Variants in DNAJC3 observed in about 807,000 individuals in gnomAD.
DNAJC3 encodes the protein DnaJ heat shock protein family (Hsp40) member C3, also known as dnaJ homolog subfamily C member 3.
In DNAJC3, 38 loss-of-function variants were observed where a neutral mutation model predicts 68.6. That is an observed-to-expected ratio of 0.55 (90% CI 0.43 to 0.73). The LOEUF is 0.73. DNAJC3 is among the 30% of genes least tolerant of loss of function. The pLI, the probability that DNAJC3 is intolerant of heterozygous loss-of-function variation, is 0.00. For synonymous variants in DNAJC3, 203 were observed against 204.0 expected (o/e 1.00, Z 0.04); for missense variants, 526 against 591.9 (o/e 0.89, Z 1.16).
intron 4 of DNAJC3, among the ~76,000 whole-genome samples, chr13:95,757,059 A>C (rs1283116708): frequency 4.6e-5 from 7 of 152,218 alleles, no homozygotes; most frequent in Non-Finnish European, 8.8e-5. Context: ...AAAAAGAGGC[A>C]GTGTGCAGAT....
At chr13:95,755,766 A>G (rs1449063001) in intron 4 of DNAJC3, among the ~76,000 whole-genome samples, 2 of 149,216 alleles carry the variant, frequency 1.3e-5, no homozygotes, top group South Asian at 2.2e-4. Context: ...CAAAAAAAAA[A>G]AAAAAAAAAA....
chr13:95,717,926 C>T (rs1881204143), intron 2 of DNAJC3, among the ~76,000 whole-genome samples: 1 of 152,188 alleles, frequency 6.6e-6, no homozygotes. Context: ...ATGCCTCTCA[C>T]TACCACCATT....
chr13:95,750,921 T>C (rs1445831368), intron 4 of DNAJC3, among the ~76,000 whole-genome samples: 3 of 152,192 alleles, frequency 2.0e-5, no homozygotes, highest in Non-Finnish European at 4.4e-5. Flanking sequence ...TGGGAAGTTA[T>C]CTGTAGTAAG....
At chr13:95,740,500 A>C (rs1489824150) in intron 4 of DNAJC3, among the ~76,000 whole-genome samples, 1 of 152,176 alleles carries the variant, frequency 6.6e-6, no homozygotes, top group Non-Finnish European at 1.5e-5. Flanking sequence ...CAGGTGCCGG[A>C]TATAATCTCG....
chr13:95,683,865 A>T lies in DNAJC3; in HGVS notation c.82+6528A>T, dbSNP rs188356787. 5.4e-5 allele frequency among the ~76,000 whole-genome samples: 8 copies of T among 148,674 alleles called. No homozygotes were observed. The East Asian group carries it at 1.6e-3, about 30-fold the overall frequency. ...AGAGAATTGCTTAAACCTGGGAGGC[A>T]GAGGATGAAGTGAGCCGAGATTGCA... On this transcript the variant is annotated intron_variant, in intron 1 of 11. Coordinates refer to ENST00000602402, the MANE Select transcript of DNAJC3 (RefSeq NM_006260.5).
intron 9 of DNAJC3, among the ~76,000 whole-genome samples, chr13:95,771,241 C>T (rs770629484): frequency 3.0e-4 from 46 of 152,132 alleles, no homozygotes; most frequent in Admixed American, 8.5e-4. Flanking sequence ...GTAAAATGCA[C>T]AAGTCTTAGG....
At chr13:95,790,790 C>T (rs1594035007) in intron 11 of DNAJC3, 83 bp from the exon 12 acceptor site, 11 of 1,338,422 alleles carry the variant, frequency 8.2e-6, no homozygotes, top group South Asian at 1.3e-5. Flanking sequence ...AGCCCACCCA[C>T]CCTCCTCTGC....
At chr13:95,785,450 AC>A (rs1213221644) in intron 9 of DNAJC3, among the ~76,000 whole-genome samples, 33 of 133,442 alleles carry the variant, frequency 2.5e-4, no homozygotes, top group African/African-American at 9.6e-4. Flanking sequence ...TGCCTTTTAA[AC>A]CTTTTTTTTT....
chr13:95,729,057 T>C (rs1471182210), intron 4 of DNAJC3, among the ~76,000 whole-genome samples: 1 of 152,098 alleles, frequency 6.6e-6, no homozygotes, highest in Non-Finnish European at 1.5e-5. Context: ...GAACATGCAA[T>C]GTTTGACTTT....
chr13:95,770,811 T>C (rs1040924005), intron 9 of DNAJC3, among the ~76,000 whole-genome samples: 1 of 152,216 alleles, frequency 6.6e-6, no homozygotes, highest in African/African-American at 2.4e-5. Flanking sequence ...CGAGGCTGTA[T>C]CCTAAGTGTT....
intron 1 of DNAJC3, chr13:95,695,465 T>C (rs149044071): frequency 1.6e-3 from 251 of 152,374 alleles, no homozygotes; most frequent in Non-Finnish European, 2.8e-3. Flanking sequence ...TTCTCTATTC[T>C]ATTCTAGCAG....
At chr13:95,690,899 C>T (rs1157878753) in intron 1 of DNAJC3, among the ~76,000 whole-genome samples, 3 of 129,148 alleles carry the variant, frequency 2.3e-5, no homozygotes, top group Admixed American at 1.5e-4. Flanking sequence ...CCAGACGGGG[C>T]GGCTGGCCGG....
At chr13:95,784,192 C>T (rs1883530454) in intron 9 of DNAJC3, among the ~76,000 whole-genome samples, 1 of 152,102 alleles carries the variant, frequency 6.6e-6, no homozygotes, top group Non-Finnish European at 1.5e-5. Context: ...GAATTTTATC[C>T]CAGCAATCTA....
chr13:95,729,905 T>G (rs1416249874), intron 4 of DNAJC3, among the ~76,000 whole-genome samples: 2 of 152,210 alleles, frequency 1.3e-5, no homozygotes, highest in East Asian at 3.9e-4. Context: ...GTATATTAGT[T>G]GCTTGTTGGA....
intron 9 of DNAJC3, among the ~76,000 whole-genome samples, chr13:95,766,294 C>T (rs925155363): frequency 1.3e-5 from 2 of 152,122 alleles, no homozygotes; most frequent in Non-Finnish European, 2.9e-5. Context: ...CAGGGGATTC[C>T]ACTCAATAGA....
intron 9 of DNAJC3, among the ~76,000 whole-genome samples, chr13:95,764,784 T>G (rs1882945205): frequency 6.8e-6 from 1 of 146,254 alleles, no homozygotes; most frequent in Non-Finnish European, 1.5e-5. Flanking sequence ...GTTTTGTGCC[T>G]TTTTTCATGT....
intron 1 of DNAJC3, among the ~76,000 whole-genome samples, chr13:95,679,354 G>T (rs906451361): frequency 6.6e-6 from 1 of 151,996 alleles, no homozygotes; most frequent in African/African-American, 2.4e-5. Flanking sequence ...GATTCATTAG[G>T]TCTTGATGGG....
At chr13:95,722,766 G>GCCAT (rs990686704) in intron 2 of DNAJC3, among the ~76,000 whole-genome samples, 14 of 140,856 alleles carry the variant, frequency 9.9e-5, no homozygotes, top group African/African-American at 3.5e-4. Flanking sequence ...GCTGCAGAGG[G>GCCAT]CCATGATCAT....
Position 95,790,853 on chromosome 13 carries a change from A to AT in DNAJC3, c.1358-16dup, listed in dbSNP as rs1189485312. The stretch of plus-strand genomic sequence containing the variant: ...TACCTTAGATATTATCTGGTTCTTA[A>AT]TTTTCTGATTTCTTTCTAGAAATGA... On this transcript the variant is annotated intron_variant, in intron 11 of 11. Transcript: ENST00000602402. The AT allele has an allele frequency of 6.2e-7, 1 of 1,606,788 alleles. No individual in the cohort carries two copies. Among genetic ancestry groups the AT allele is most frequent in the East Asian group, 2.2e-5 (1 of 44,816 alleles).
Sources: gnomAD v4.1 joint callset for allele counts (sites outside exome capture counted in the v4.1 genomes callset) on GRCh38, gnomAD v4.1.1 for gene constraint, MANE v1.5 for transcripts, NCBI Gene and HGNC (gene_info 2026-07-23, HGNC 2026-07-21) for gene names.